Variants in GRAMD2B observed in about 807,000 individuals in gnomAD.
The protein encoded by GRAMD2B is GRAM domain-containing protein 2B.
GRAMD2B carries 41 observed loss-of-function variants against 59.2 expected under a neutral mutation model. The observed-to-expected ratio is 0.69, with a 90% confidence interval of 0.54 to 0.90. The LOEUF is 0.90. Ranked by LOEUF, GRAMD2B falls within the 40% of genes least tolerant of loss-of-function variation. The pLI, the probability that GRAMD2B is intolerant of heterozygous loss-of-function variation, is 0.00. For synonymous variants in GRAMD2B, 161 were observed against 182.7 expected (o/e 0.88, Z 0.96); for missense variants, 424 against 500.5 (o/e 0.85, Z 1.46).
intron 1 of GRAMD2B, among the ~76,000 whole-genome samples, chr5:126,411,938 A>G (rs569898531): frequency 2.7e-4 from 41 of 151,684 alleles, no homozygotes; most frequent in Non-Finnish European, 5.0e-4. Context: ...TAGAAATGCT[A>G]CTGATTTTTG....
intron 1 of GRAMD2B, among the ~76,000 whole-genome samples, chr5:126,440,376 T>C (rs75643465): frequency 0.03 from 4,502 of 152,302 alleles, 90 homozygotes; most frequent in African/African-American, 0.039. Context: ...TTCTGAAAGA[T>C]TGAAGCATTC....
chr5:126,378,604 A>G (rs986587847), intron 1 of GRAMD2B, among the ~76,000 whole-genome samples: 7 of 152,026 alleles, frequency 4.6e-5, no homozygotes, highest in African/African-American at 1.4e-4. Flanking sequence ...TGTTTTTTCT[A>G]TTCGTAGAAC....
chr5:126,488,831 T>A lies in GRAMD2B; in HGVS notation c.1196T>A (p.Val399Glu). Residue 399 changes from valine (V) to glutamate (E), a missense_variant, in exon 13 of 14, where the codon GTA becomes GAA. By Grantham distance (121) the Val-to-Glu change is moderately radical (BLOSUM62 -2). Coordinates refer to ENST00000285689, the MANE Select transcript of GRAMD2B (RefSeq NM_023927.4). ...QAAPSGLRSQ[V>E]QFNVEVLCQE... Reference sequence around the variant, plus strand: ...GCACCATCTGGCCTGAGGTCACAAGTACAATTCAATGTGGAGGTTCTCTGT... The same window carrying A: ...GCACCATCTGGCCTGAGGTCACAAGAACAATTCAATGTGGAGGTTCTCTGT... The A allele has an allele frequency of 6.2e-7, 1 of 1,613,868 alleles. No individual in the cohort carries two copies. The highest frequency in any genetic ancestry group is 8.5e-7 in the Non-Finnish European group (1 of 1,179,784).
rs149974176 is a variant in GRAMD2B at position 126,488,860 on chromosome 5, G to T, written c.1225G>T (p.Glu409Ter). 1.8e-4 allele frequency: 290 copies of T among 1,613,580 alleles called. No individual in the cohort carries two copies. The highest frequency in any genetic ancestry group is 2.3e-4 in the Non-Finnish European group (277 of 1,179,716). Reference sequence around the variant, plus strand: ...ATTCAATGTGGAGGTTCTCTGTCAAGAGCTTACAGCTAACATAGTGAAATT... The same window carrying T: ...ATTCAATGTGGAGGTTCTCTGTCAATAGCTTACAGCTAACATAGTGAAATT... ...VQFNVEVLCQ[E>*]LTANIVKLEK... Residue 409 changes from glutamate (E) to a stop codon, truncating the protein, a stop_gained, in exon 13 of 14, where the codon GAG becomes TAG. Transcript: ENST00000285689. LOFTEE classifies it high-confidence loss of function.
rs1375905995 is a variant in GRAMD2B at position 126,397,999 on chromosome 5, GT to G, written c.125+26438del. Among the ~76,000 whole-genome samples, 2 of 141,622 alleles carry G rather than the reference GT, an allele frequency of 1.4e-5. 1 individual carries two copies. Among genetic ancestry groups the G allele is most frequent in the Non-Finnish European group, 3.1e-5 (2 of 64,906 alleles). 92.9% of individuals were successfully genotyped at this position (141,622 alleles called of 152,430 possible). On this transcript the variant is annotated intron_variant, in intron 1 of 8. Transcript: ENST00000506445. ...CCTATGAAGTCATTGGTCCTTGAAT[GT>G]TTTTTCGTTGTTGGGAGATTTTTTT...
chr5:126,492,393 T>C (rs1774109562), intron 13 of GRAMD2B, among the ~76,000 whole-genome samples: 1 of 151,624 alleles, frequency 6.6e-6, no homozygotes, highest in African/African-American at 2.4e-5. Flanking sequence ...ATTCTCTCTT[T>C]TTTTTTTTTT....
chr5:126,472,187 G>A (rs1431285351), intron 3 of GRAMD2B, 51 bp from the exon 4 acceptor site: 3 of 1,424,388 alleles, frequency 2.1e-6, no homozygotes, highest in Non-Finnish European at 3.0e-6. Flanking sequence ...AATTTGTGAT[G>A]TTTCACAAGA....
rs552609604 is a variant in GRAMD2B at position 126,490,461 on chromosome 5, G to A, written c.1257+1569G>A. On this transcript the variant is annotated intron_variant, in intron 13 of 13. Coordinates refer to ENST00000285689, the MANE Select transcript of GRAMD2B (RefSeq NM_023927.4). ...TGTGCAGGGTTCAGACAGCTTAGCA[G>A]GGAGGCCGGGGAGGTTTACAGGAGC... 2.6e-5 allele frequency: 4 copies of A among 152,440 alleles called. No individual in the cohort carries two copies. In the East Asian group the frequency reaches 7.7e-4, roughly 29 times the overall value. 9.4% of individuals were successfully genotyped at this position (152,440 alleles called of 1,614,324 possible).
chr5:126,385,023 G>A (rs1280752367), intron 1 of GRAMD2B, among the ~76,000 whole-genome samples: 4 of 152,300 alleles, frequency 2.6e-5, no homozygotes, highest in South Asian at 2.1e-4. Flanking sequence ...AATGCTAGAC[G>A]GATGAATACA....
At chr5:126,484,630 C>A in intron 10 of GRAMD2B, 106 bp downstream of exon 10, 1 of 1,171,474 alleles carries the variant, frequency 8.5e-7, no homozygotes, top group Non-Finnish European at 1.2e-6. Flanking sequence ...ACCCAGGCTG[C>A]TGTAGTGCAA....
At chr5:126,433,314 A>C (rs1035703015) in intron 1 of GRAMD2B, among the ~76,000 whole-genome samples, 3 of 152,232 alleles carry the variant, frequency 2.0e-5, no homozygotes, top group Non-Finnish European at 4.4e-5. Context: ...AAAGTGTTGA[A>C]GCCAAAATAG....
At chr5:126,447,861 A>ATT (rs917771804) in intron 1 of GRAMD2B, among the ~76,000 whole-genome samples, 2 of 135,488 alleles carry the variant, frequency 1.5e-5, no homozygotes, top group African/African-American at 2.9e-5. Flanking sequence ...CCCATTTATA[A>ATT]TTTTTTTTTT....
intron 1 of GRAMD2B, among the ~76,000 whole-genome samples, chr5:126,396,249 T>C (rs1757351891): frequency 6.6e-6 from 1 of 152,104 alleles, no homozygotes; most frequent in African/African-American, 2.4e-5. Context: ...GACATGGGGG[T>C]TTGTTGTACA....
intron 1 of GRAMD2B, among the ~76,000 whole-genome samples, chr5:126,425,199 C>T (rs1273688998): frequency 6.6e-6 from 1 of 152,112 alleles, no homozygotes; most frequent in Non-Finnish European, 1.5e-5. Context: ...ACATTACTCA[C>T]AATAGCCAAG....
rs75065954 is a variant in GRAMD2B at position 126,467,628 on chromosome 5, A to G, written c.204-2049A>G. 51 of 152,370 alleles carry G rather than the reference A, an allele frequency of 3.3e-4. No homozygotes were observed. The East Asian group carries it at 8.7e-3, about 26-fold the overall frequency. The allele number at this position is 152,370 out of a possible 1,614,324, so 9.4% of individuals were successfully genotyped here. On this transcript the variant is annotated intron_variant, in intron 2 of 13. Coordinates refer to ENST00000285689, the MANE Select transcript of GRAMD2B (RefSeq NM_023927.4). ...GGGAATCAGTAGAGGTGATGAATTC[A>G]AATCTGTGAATAATATAAATAAAAG...
chr5:126,381,733 A>G (rs1358408415), intron 1 of GRAMD2B, among the ~76,000 whole-genome samples: 2 of 151,744 alleles, frequency 1.3e-5, no homozygotes, highest in Admixed American at 6.6e-5. Context: ...TCATTGTGCT[A>G]TTTGTTGCCT....
rs1755303426 is a variant in GRAMD2B, at chr5:126,377,532, C to T, written c.125+5965C>T. Among the ~76,000 whole-genome samples the T allele has an allele frequency of 3.9e-5, 6 of 152,348 alleles. No individual in the cohort carries two copies. The South Asian group carries it at 1.0e-3, about 26-fold the overall frequency. ...TTCCACTCCTATTTTTCCTCTTTCA[C>T]ACTTTTCCTCCAGTCAGATATGTAG... On this transcript the variant is annotated intron_variant, in intron 1 of 8. Coordinates refer to the GRAMD2B transcript ENST00000506445.
chr5:126,472,662 C>T (rs1483592542), intron 4 of GRAMD2B, among the ~76,000 whole-genome samples: 1 of 151,936 alleles, frequency 6.6e-6, no homozygotes, highest in Non-Finnish European at 1.5e-5. Context: ...AAACTCACAT[C>T]CTTAGACATG....
chr5:126,483,292 A>C (rs79500684), intron 8 of GRAMD2B, among the ~76,000 whole-genome samples, 171 bp from the exon 9 acceptor site: 5,049 of 152,312 alleles, frequency 0.033, 260 homozygotes, highest in African/African-American at 0.12. Context: ...AATCTGTTTC[A>C]GTAACCAGAT....
Sources: allele counts gnomAD v4.1 joint callset (sites outside exome capture counted in the v4.1 genomes callset), GRCh38; gene constraint gnomAD v4.1.1; transcripts MANE v1.5; gene names NCBI Gene and HGNC (gene_info 2026-07-23, HGNC 2026-07-21).